Variants in ATP9B observed in about 807,000 individuals in gnomAD.
ATP9B encodes the protein probable phospholipid-transporting ATPase IIB.
In ATP9B, 110 loss-of-function variants were observed where a neutral mutation model predicts 146.1. The observed-to-expected ratio is 0.75, with a 90% CI of 0.65 to 0.88. ATP9B has a LOEUF of 0.88. Among genes scored for constraint, ATP9B ranks in the 40% least tolerant of loss-of-function variants. The probability of loss-of-function intolerance (pLI) is 0.00; values close to 1 mark genes in which losing one functional copy is unlikely to be tolerated. For missense variants in ATP9B, 1,499 were observed against 1,496.4 expected, an observed-to-expected ratio of 1.00 and a Z score of -0.03; for synonymous variants, 604 against 569.7, an observed-to-expected ratio of 1.06 and a Z score of -0.86.
intron 13 of ATP9B, among the ~76,000 whole-genome samples, chr18:79,297,111 CAGACGACCCAGAGAGGAG>C (rs2096556274): frequency 8.3e-6 from 1 of 119,840 alleles, no homozygotes; most frequent in Non-Finnish European, 1.7e-5. Context: ...AGAGAAGACA[CAGACGACCCAGAGAGGAG>C]ACAGACGACC....
rs1255827890 is a variant in ATP9B, at chr18:79,219,273, G to A, written c.1107+5235G>A. On this transcript the variant is annotated intron_variant, in intron 11 of 29. Coordinates refer to ENST00000426216, the MANE Select transcript of ATP9B (RefSeq NM_198531.5). ...GAGAGTGCTGTGTTGAGGGAGCCGG[G>A]TCCAGGGTGAGGGAGAGGGAATTCT... Among the ~76,000 whole-genome samples the A allele has an allele frequency of 3.3e-5, 5 of 152,248 alleles. No homozygotes were observed. In the East Asian group the frequency reaches 9.7e-4, roughly 29 times the overall value.
At chr18:79,234,559 C>T (rs1292982893) in intron 11 of ATP9B, among the ~76,000 whole-genome samples, 1 of 151,570 alleles carries the variant, frequency 6.6e-6, no homozygotes, top group Non-Finnish European at 1.5e-5. Context: ...TTGCTGCGGG[C>T]GTGCTGCTGT....
intron 26 of ATP9B, among the ~76,000 whole-genome samples, chr18:79,365,357 G>T (rs1398336731): frequency 1.3e-5 from 2 of 152,176 alleles, no homozygotes; most frequent in African/African-American, 4.8e-5. Context: ...CAACGTGAAA[G>T]GCTGGGGAGG....
intron 7 of ATP9B, chr18:79,174,124 A>G (rs758806099): frequency 2.7e-6 from 1 of 376,018 alleles, no homozygotes; most frequent in South Asian, 2.0e-5. Flanking sequence ...GAAGAATAAG[A>G]AAGAGTACAT....
Position 79,307,172 on chromosome 18 carries a change from G to A in ATP9B, c.1711G>A (p.Ala571Thr), listed in dbSNP as rs113878267. The change falls in exon 15 of 30, where the codon GCA becomes ACA. Residue 571 changes from alanine to threonine, a missense_variant. By Grantham distance (58) the Ala-to-Thr change is moderately conservative. Transcript: ENST00000426216. ...RAGVTEETEF[A>T]EADQDFSDEN... ...CGGCGTTACTGAGGAGACTGAGTTCGCAGAGGCTGACCAAGACTTCAGTGA... is the reference window on the plus strand; with the variant it reads ...CGGCGTTACTGAGGAGACTGAGTTCACAGAGGCTGACCAAGACTTCAGTGA... 22 of 1,614,108 alleles carry A rather than the reference G, an allele frequency of 1.4e-5. No homozygotes were observed. The highest frequency in any genetic ancestry group is 6.7e-5 in the African/African-American group (5 of 74,930).
intron 7 of ATP9B, among the ~76,000 whole-genome samples, chr18:79,161,620 G>A (rs781146036): frequency 3.5e-4 from 53 of 152,312 alleles, no homozygotes; most frequent in Middle Eastern, 3.4e-3. Flanking sequence ...AGGCCGAGAT[G>A]GGTGGATCAC....
rs149565380 is a variant in ATP9B at position 79,337,257 on chromosome 18, G to A, written c.2113-22G>A. 333 of 1,613,076 alleles carry A rather than the reference G, an allele frequency of 2.1e-4. 1 individual carries two copies. The East Asian group carries it at 7.3e-3, about 35-fold the overall frequency. On this transcript the variant is annotated intron_variant, in intron 18 of 29. Coordinates refer to ENST00000426216, the MANE Select transcript of ATP9B (RefSeq NM_198531.5). Reference sequence around the variant, plus strand: ...ACAGCACGTACACGTGTGCACACAGGCGCCTCCCCCTCTGTCCCCAGAGCC... The same window carrying A: ...ACAGCACGTACACGTGTGCACACAGACGCCTCCCCCTCTGTCCCCAGAGCC...
chr18:79,154,367 A>T, intron 6 of ATP9B, 137 bp from the exon 7 acceptor site: 1 of 624,600 alleles, frequency 1.6e-6, no homozygotes, highest in Non-Finnish European at 2.7e-6. Flanking sequence ...TTTATATACA[A>T]ATTGTGTTAG....
intron 9 of ATP9B, among the ~76,000 whole-genome samples, chr18:79,204,557 A>G (rs1168811767): frequency 1.3e-5 from 2 of 152,230 alleles, no homozygotes; most frequent in African/African-American, 2.4e-5. Flanking sequence ...CAGGTTAATT[A>G]TCAGATTTTT....
intron 6 of ATP9B, among the ~76,000 whole-genome samples, chr18:79,152,600 TTGTCA>T (rs1156911077): frequency 6.6e-6 from 1 of 152,224 alleles, no homozygotes; most frequent in African/African-American, 2.4e-5. Context: ...GAAAATATTC[TTGTCA>T]TGTTTGATGA....
At chr18:79,375,918 G>A (rs1029500885) in intron 29 of ATP9B, 23 of 985,288 alleles carry the variant, frequency 2.3e-5, no homozygotes, top group Non-Finnish European at 2.8e-5. Context: ...TTCGAAGTAT[G>A]TAAATCTCCA....
At chr18:79,209,509 A>G (rs2095564348) in intron 10 of ATP9B, 1 of 208,458 alleles carries the variant, frequency 4.8e-6, no homozygotes, top group Admixed American at 6.5e-5. Flanking sequence ...GAGACATCCC[A>G]TACGGTTCCC....
At chr18:79,136,016 C>T (rs1289053664) in intron 5 of ATP9B, among the ~76,000 whole-genome samples, 1 of 152,062 alleles carries the variant, frequency 6.6e-6, no homozygotes, top group Non-Finnish European at 1.5e-5. Context: ...GTTACTGTTG[C>T]TTTATAATTT....
At chr18:79,238,874 T>A (rs1351409885) in intron 11 of ATP9B, among the ~76,000 whole-genome samples, 1 of 151,512 alleles carries the variant, frequency 6.6e-6, no homozygotes, top group Non-Finnish European at 1.5e-5. Context: ...GCGGATGCAG[T>A]GACGCAGACG....
At chr18:79,185,859 TG>T in intron 8 of ATP9B, among the ~76,000 whole-genome samples, 1 of 152,326 alleles carries the variant, frequency 6.6e-6, no homozygotes, top group African/African-American at 2.4e-5. Context: ...ACAGCCAGGC[TG>T]AGTAAACTTA....
intron 15 of ATP9B, among the ~76,000 whole-genome samples, chr18:79,317,083 A>G (rs2096684867): frequency 6.6e-6 from 1 of 152,230 alleles, no homozygotes; most frequent in Non-Finnish European, 1.5e-5. Context: ...AAATCTGAGT[A>G]GACGAGAAAA....
chr18:79,074,259 A>G lies in ATP9B; in HGVS notation c.119+4730A>G, dbSNP rs1175655498. Among the ~76,000 whole-genome samples the G allele has an allele frequency of 2.6e-5, 4 of 152,128 alleles. No individual in the cohort carries two copies. In the East Asian group the frequency reaches 7.7e-4, roughly 29 times the overall value. On this transcript the variant is annotated intron_variant, in intron 1 of 29. Coordinates refer to ENST00000426216, the MANE Select transcript of ATP9B (RefSeq NM_198531.5). ...ACTAAAAGATGGAAGTGTCAGACCC[A>G]TGGGGATGAAGAGGCTTCTTTGGCT...
chr18:79,292,844 A>G (rs1187175074), intron 13 of ATP9B, among the ~76,000 whole-genome samples: 1 of 151,940 alleles, frequency 6.6e-6, no homozygotes, highest in Non-Finnish European at 1.5e-5. Flanking sequence ...TGAAACCTTG[A>G]TCTCCTGGGC....
intron 5 of ATP9B, among the ~76,000 whole-genome samples, chr18:79,134,994 G>A (rs2094431388): frequency 6.6e-6 from 1 of 152,208 alleles, no homozygotes; most frequent in South Asian, 2.1e-4. Flanking sequence ...CACTTAAGAT[G>A]TATACTATGT....
Sources: gnomAD v4.1 joint callset for allele counts (sites outside exome capture counted in the v4.1 genomes callset) on GRCh38, gnomAD v4.1.1 for gene constraint, MANE v1.5 for transcripts, NCBI Gene and HGNC (gene_info 2026-07-23, HGNC 2026-07-21) for gene names.